GABBR2: variants seen among roughly 807,000 people sequenced by gnomAD.
GABBR2 encodes the protein gamma-aminobutyric acid type B receptor subunit 2.
In GABBR2, 23 loss-of-function variants were observed where a neutral mutation model predicts 105.6. The ratio of observed to expected loss-of-function variants is 0.22; its 90% CI spans 0.16 to 0.31. The LOEUF is 0.31. Among genes scored for constraint, GABBR2 ranks in the 10% least tolerant of loss-of-function variants. The pLI is 1.00. For synonymous variants in GABBR2, 478 were observed against 499.7 expected, an observed-to-expected ratio of 0.96 and a Z score of 0.58; for missense variants, 734 against 1,245.5, an observed-to-expected ratio of 0.59 and a Z score of 6.18.
At chr9:98,521,734 T>A (rs1201850741) in intron 3 of GABBR2, among the ~76,000 whole-genome samples, 1 of 152,076 alleles carries the variant, frequency 6.6e-6, no homozygotes, top group East Asian at 1.9e-4. Flanking sequence ...GTCTTCCAGA[T>A]GAATATCCAA....
intron 2 of GABBR2, among the ~76,000 whole-genome samples, chr9:98,575,991 C>A (rs115057302): frequency 2.0e-5 from 3 of 152,168 alleles, no homozygotes; most frequent in African/African-American, 4.8e-5. Context: ...CAGCTTCATG[C>A]ACCTACCATA....
At chr9:98,555,312 T>C (rs56863198) in intron 2 of GABBR2, among the ~76,000 whole-genome samples, 163 of 152,362 alleles carry the variant, frequency 1.1e-3, no homozygotes, top group African/African-American at 3.8e-3. Flanking sequence ...CAAACTCAAG[T>C]GGCTGCCACC....
At chr9:98,553,918 A>G (rs1828536380) in intron 2 of GABBR2, among the ~76,000 whole-genome samples, 1 of 152,210 alleles carries the variant, frequency 6.6e-6, no homozygotes, top group Admixed American at 6.5e-5. Context: ...AACAATTCCC[A>G]AAACATATTT....
At chr9:98,328,937 C>T (rs1371434340) in intron 13 of GABBR2, among the ~76,000 whole-genome samples, 1 of 152,190 alleles carries the variant, frequency 6.6e-6, no homozygotes, top group Non-Finnish European at 1.5e-5. Context: ...CTGCCACTTA[C>T]AAATGAGGTG....
intron 1 of GABBR2, among the ~76,000 whole-genome samples, chr9:98,654,053 T>C (rs1199986568): frequency 6.6e-6 from 1 of 152,262 alleles, no homozygotes; most frequent in Non-Finnish European, 1.5e-5. Context: ...TTTCAGGCTC[T>C]AATTCAGTAG....
At chr9:98,554,121 C>T (rs944570262) in intron 2 of GABBR2, among the ~76,000 whole-genome samples, 4 of 152,144 alleles carry the variant, frequency 2.6e-5, no homozygotes, top group East Asian at 1.9e-4. Context: ...CTTAGAATGA[C>T]GTCCTCGCTC....
intron 1 of GABBR2, among the ~76,000 whole-genome samples, chr9:98,659,462 C>T (rs1402749489): frequency 6.7e-6 from 1 of 150,112 alleles, no homozygotes; most frequent in Non-Finnish European, 1.5e-5. Context: ...ACCATATAGT[C>T]ACAGTCCCAT....
chr9:98,571,334 C>A (rs1348683234), intron 2 of GABBR2, among the ~76,000 whole-genome samples: 3 of 152,172 alleles, frequency 2.0e-5, no homozygotes, highest in Non-Finnish European at 2.9e-5. Context: ...CTTGCCCTGG[C>A]AGCATCCCCC....
intron 13 of GABBR2, among the ~76,000 whole-genome samples, chr9:98,325,952 C>T (rs1830915005): frequency 1.3e-5 from 2 of 152,346 alleles, no homozygotes; most frequent in South Asian, 4.1e-4. Context: ...CAATATTTTC[C>T]TCTGCTGCCC....
At chr9:98,391,599 G>C (rs1204798398) in intron 9 of GABBR2, among the ~76,000 whole-genome samples, 1 of 152,212 alleles carries the variant, frequency 6.6e-6, no homozygotes, top group East Asian at 1.9e-4. Context: ...CGAAGGATGA[G>C]TAGAGTAGTT....
At chr9:98,701,926 A>G (rs1830833902) in intron 1 of GABBR2, among the ~76,000 whole-genome samples, 3 of 152,148 alleles carry the variant, frequency 2.0e-5, no homozygotes, top group Admixed American at 2.0e-4. Flanking sequence ...GTACGGAAAT[A>G]ATAACAATGG....
At chr9:98,345,687 C>T (rs893217680) in intron 13 of GABBR2, among the ~76,000 whole-genome samples, 2 of 152,118 alleles carry the variant, frequency 1.3e-5, no homozygotes, top group Admixed American at 6.6e-5. Context: ...ATGACATGAT[C>T]GTCTATATAG....
chr9:98,432,069 T>C (rs539902162), intron 7 of GABBR2, among the ~76,000 whole-genome samples: 1 of 152,278 alleles, frequency 6.6e-6, no homozygotes, highest in African/African-American at 2.4e-5. Context: ...CTAATTTTTG[T>C]ATTTTTAGTA....
chr9:98,606,279 G>A (rs901661434), intron 1 of GABBR2, among the ~76,000 whole-genome samples: 10 of 152,076 alleles, frequency 6.6e-5, no homozygotes, highest in Admixed American at 2.6e-4. Context: ...AATCCTTTGG[G>A]TATATACCCA....
intron 10 of GABBR2, among the ~76,000 whole-genome samples, chr9:98,387,182 AT>A (rs1294390825): frequency 5.3e-5 from 8 of 152,008 alleles, no homozygotes; most frequent in Non-Finnish European, 1.5e-5. Context: ...CCATAGCAAT[AT>A]TTTTTTTCTA....
chr9:98,683,148 C>T (rs776350984), intron 1 of GABBR2, among the ~76,000 whole-genome samples: 21 of 152,094 alleles, frequency 1.4e-4, no homozygotes, highest in Non-Finnish European at 2.1e-4. Context: ...GGCTAGAGTG[C>T]AATGGCGCGA....
chr9:98,538,608 A>T, intron 3 of GABBR2: 3 of 984,762 alleles, frequency 3.0e-6, no homozygotes, highest in Non-Finnish European at 3.6e-6. Context: ...GATGGCCCTC[A>T]GCCTTCTACC....
At chr9:98,541,489 G>A (rs1033100538) in intron 3 of GABBR2, among the ~76,000 whole-genome samples, 11 of 152,020 alleles carry the variant, frequency 7.2e-5, no homozygotes, top group African/African-American at 2.4e-4. Flanking sequence ...TGGCATCTTC[G>A]GTCCAAGCCA....
chr9:98,357,793 T>A (rs1831514584), intron 13 of GABBR2, among the ~76,000 whole-genome samples: 1 of 152,244 alleles, frequency 6.6e-6, no homozygotes, highest in Non-Finnish European at 1.5e-5. Flanking sequence ...GTCTCAATCA[T>A]ATCCTCCTAT....
Sources: gnomAD v4.1 joint callset for allele counts (sites outside exome capture counted in the v4.1 genomes callset) on GRCh38, gnomAD v4.1.1 for gene constraint, MANE v1.5 for transcripts, NCBI Gene and HGNC (gene_info 2026-07-23, HGNC 2026-07-21) for gene names.